The following TSPAN9 variants were observed in gnomAD, a reference collection of about 807,000 sequenced individuals.
The protein encoded by TSPAN9 is tetraspanin-9.
A neutral mutation model predicts 31.0 loss-of-function variants in TSPAN9; 16 were observed. That is an observed-to-expected ratio of 0.52 (90% CI 0.35 to 0.78). The LOEUF is 0.78. Ranked by LOEUF, TSPAN9 falls within the 30% of genes least tolerant of loss-of-function variation. The pLI is 0.01. For synonymous variants in TSPAN9, 145 were observed against 121.6 expected, an observed-to-expected ratio of 1.19 and a Z score of -1.27; for missense variants, 272 against 312.5, an observed-to-expected ratio of 0.87 and a Z score of 0.98.
chr12:3,279,108 G>A (rs758885023), intron 5 of TSPAN9, 42 bp downstream of exon 5: 4 of 1,590,190 alleles, frequency 2.5e-6, no homozygotes, highest in Non-Finnish European at 3.5e-6. Context: ...GAATGTCACT[G>A]CCCTTAGAGT....
At chr12:3,126,762 C>T (rs1025001522) in intron 2 of TSPAN9, among the ~76,000 whole-genome samples, 1 of 151,370 alleles carries the variant, frequency 6.6e-6, no homozygotes, top group African/African-American at 2.4e-5. Flanking sequence ...TACCTGTAGC[C>T]CTAACTACTT....
At chr12:3,260,058 C>T (rs960654894) in intron 3 of TSPAN9, among the ~76,000 whole-genome samples, 3 of 152,198 alleles carry the variant, frequency 2.0e-5, no homozygotes, top group Non-Finnish European at 4.4e-5. Context: ...ACCTAGTACG[C>T]GTGAGATGCC....
intron 3 of TSPAN9, among the ~76,000 whole-genome samples, chr12:3,267,793 G>A (rs1167695089): frequency 6.6e-6 from 1 of 152,168 alleles, no homozygotes; most frequent in Admixed American, 6.5e-5. Context: ...GGGGCCTCAG[G>A]CTGCCTCCTC....
At chr12:3,096,413 G>A (rs1463141000) in intron 2 of TSPAN9, among the ~76,000 whole-genome samples, 1 of 152,150 alleles carries the variant, frequency 6.6e-6, no homozygotes, top group African/African-American at 2.4e-5. Context: ...TCTCTCCTAA[G>A]TATCTCTTGT....
At chr12:3,127,463 C>G (rs2098327865) in intron 2 of TSPAN9, among the ~76,000 whole-genome samples, 2 of 151,896 alleles carry the variant, frequency 1.3e-5, no homozygotes, top group Non-Finnish European at 2.9e-5. Flanking sequence ...TCACGCCATT[C>G]TCCTGCCTCA....
intron 3 of TSPAN9, among the ~76,000 whole-genome samples, chr12:3,267,166 G>C (rs560545469): frequency 1.3e-5 from 2 of 152,262 alleles, no homozygotes; most frequent in South Asian, 4.1e-4. Context: ...CAGCCCCTTC[G>C]CCATCCTGAA....
chr12:3,252,039 C>T (rs981919221), intron 3 of TSPAN9, among the ~76,000 whole-genome samples: 6 of 152,082 alleles, frequency 3.9e-5, no homozygotes, highest in Non-Finnish European at 7.4e-5. Flanking sequence ...GGTGAGGGGT[C>T]GTTTTTTACT....
intron 2 of TSPAN9, among the ~76,000 whole-genome samples, chr12:3,129,184 G>A (rs1257297338): frequency 6.6e-6 from 1 of 152,146 alleles, no homozygotes; most frequent in Non-Finnish European, 1.5e-5. Flanking sequence ...ACATTTGGGT[G>A]TTTCTACCTT....
At chr12:3,155,922 G>A (rs1363588335) in intron 2 of TSPAN9, among the ~76,000 whole-genome samples, 4 of 152,170 alleles carry the variant, frequency 2.6e-5, no homozygotes, top group East Asian at 1.9e-4. Context: ...TCTTCAGGAC[G>A]CCGAAAGGAC....
chr12:3,152,272 C>T (rs759983552), intron 2 of TSPAN9, among the ~76,000 whole-genome samples: 5 of 152,228 alleles, frequency 3.3e-5, no homozygotes, highest in Non-Finnish European at 7.3e-5. Context: ...GGTCAGCCCT[C>T]CTGATTGTCA....
chr12:3,252,124 G>A (rs150248870), intron 3 of TSPAN9, among the ~76,000 whole-genome samples: 131 of 152,186 alleles, frequency 8.6e-4, no homozygotes, highest in African/African-American at 2.9e-3. Flanking sequence ...ACCATGGAGC[G>A]CCCCCCGCAC....
intron 2 of TSPAN9, among the ~76,000 whole-genome samples, chr12:3,183,217 T>C (rs4766062): frequency 0.94 from 143,847 of 152,226 alleles, 68,513 homozygotes; most frequent in East Asian, 1. Context: ...TCCTTTCTCT[T>C]CCACTGCATC....
chr12:3,246,553 G>A (rs1401198950), intron 3 of TSPAN9, among the ~76,000 whole-genome samples: 1 of 152,172 alleles, frequency 6.6e-6, no homozygotes, highest in Non-Finnish European at 1.5e-5. Context: ...TCCCACTTGA[G>A]AAGTTTGGGA....
intron 1 of TSPAN9, among the ~76,000 whole-genome samples, chr12:3,082,028 T>C (rs770832763): frequency 1.3e-5 from 2 of 151,752 alleles, no homozygotes; most frequent in African/African-American, 2.4e-5. Context: ...TAAGTTCTGA[T>C]GCTGCAAAAA....
Position 3,218,675 on chromosome 12 carries a change from G to T in TSPAN9, c.63+17419G>T, listed in dbSNP as rs535922528. Among the ~76,000 whole-genome samples, 11 of 152,336 alleles carry T rather than the reference G, an allele frequency of 7.2e-5. No homozygotes were observed. The East Asian group carries it at 1.9e-3, about 27-fold the overall frequency. Reference sequence around the variant, plus strand: ...AAAGGAAGGAGAAGGCACCAGGAAGGCTAGCTACTCTAGCACTGGGGGCTG... The same window carrying T: ...AAAGGAAGGAGAAGGCACCAGGAAGTCTAGCTACTCTAGCACTGGGGGCTG... On this transcript the variant is annotated intron_variant, in intron 3 of 8. Coordinates refer to ENST00000011898, the MANE Select transcript of TSPAN9 (RefSeq NM_006675.5).
chr12:3,167,054 C>T (rs953246011), intron 2 of TSPAN9, among the ~76,000 whole-genome samples: 2 of 152,188 alleles, frequency 1.3e-5, no homozygotes, highest in African/African-American at 4.8e-5. Context: ...TCTTTGGCAT[C>T]CCAAAATGCT....
At chr12:3,194,112 T>C (rs117527144) in intron 2 of TSPAN9, among the ~76,000 whole-genome samples, 4,241 of 152,302 alleles carry the variant, frequency 0.028, 87 homozygotes, top group Middle Eastern at 0.065. Flanking sequence ...CTGGTCTGCC[T>C]TTCCCCTCCG....
chr12:3,120,207 C>T (rs1026965381), intron 2 of TSPAN9, among the ~76,000 whole-genome samples: 1 of 152,204 alleles, frequency 6.6e-6, no homozygotes. Flanking sequence ...CCATAACTCC[C>T]TGAGCCCTCA....
chr12:3,125,197 C>T (rs939434961), intron 2 of TSPAN9: 7 of 150,594 alleles, frequency 4.6e-5, no homozygotes, highest in East Asian at 1.9e-4. Flanking sequence ...AATGGTAGTT[C>T]GTGATTATTA....
Sources: gnomAD v4.1 joint callset for allele counts (sites outside exome capture counted in the v4.1 genomes callset) on GRCh38, gnomAD v4.1.1 for gene constraint, MANE v1.5 for transcripts, NCBI Gene and HGNC (gene_info 2026-07-23, HGNC 2026-07-21) for gene names.